PCAT7: variants seen among roughly 807,000 people sequenced by gnomAD.
PCAT7 encodes prostate cancer associated transcript 7, also known as prostate cancer associated transcript 7 (non-protein coding).
At chr9:94,573,178 C>T (rs1057088126) in intron 3 of PCAT7, 1 of 152,196 alleles carries the variant, frequency 6.6e-6, no homozygotes, top group Non-Finnish European at 1.5e-5. Flanking sequence ...AGCATTCAGT[C>T]TTTCACCATT....
At chr9:94,563,607 A>T (rs1827142323) in intron 2 of PCAT7, 2 of 870,074 alleles carry the variant, frequency 2.3e-6, no homozygotes, top group Non-Finnish European at 3.5e-6. Flanking sequence ...AAAAGATTAT[A>T]TAATTGTGCA....
chr9:94,563,873 AAAGT>A (rs1320635161), intron 2 of PCAT7, among the ~76,000 whole-genome samples: 1 of 152,218 alleles, frequency 6.6e-6, no homozygotes, highest in African/African-American at 2.4e-5. Context: ...TTAAACCAAT[AAAGT>A]TCAAAAAAGA....
intron 2 of PCAT7, chr9:94,563,253 C>T: frequency 1.4e-6 from 2 of 1,426,360 alleles, no homozygotes; most frequent in Admixed American, 2.1e-5. Flanking sequence ...TGCCATGAAG[C>T]AGTGCAGTAG....
At chr9:94,561,351 TA>T (rs1277155449) in intron 2 of PCAT7, among the ~76,000 whole-genome samples, 30 of 101,412 alleles carry the variant, frequency 3.0e-4, no homozygotes, top group African/African-American at 8.0e-4. Flanking sequence ...ATGTGACCTG[TA>T]TTTTTTTTTT....
chr9:94,565,729 A>G (rs1230406788), intron 2 of PCAT7, among the ~76,000 whole-genome samples: 1 of 97,142 alleles, frequency 1.0e-5, no homozygotes, highest in Non-Finnish European at 2.2e-5. Context: ...AGATATAGGT[A>G]GATAGATGAT....
chr9:94,560,752 ATATT>A (rs1299122689), intron 2 of PCAT7, among the ~76,000 whole-genome samples: 3 of 147,848 alleles, frequency 2.0e-5, no homozygotes, highest in African/African-American at 7.4e-5. Flanking sequence ...AATATGTTAT[ATATT>A]TATATAATGT....
chr9:94,560,341 TTGAAA>T (rs1474839123), intron 2 of PCAT7, among the ~76,000 whole-genome samples: 3 of 152,138 alleles, frequency 2.0e-5, no homozygotes, highest in African/African-American at 7.2e-5. Context: ...ACGCAGTGAA[TTGAAA>T]TGAATGGGGT....
At chr9:94,571,479 G>A in intron 2 of PCAT7, 2 of 1,612,862 alleles carry the variant, frequency 1.2e-6, no homozygotes, top group Non-Finnish European at 1.7e-6. Flanking sequence ...AGCATGAAGA[G>A]GTCCACGCCT....
At chr9:94,563,607 A>G in intron 2 of PCAT7, 1 of 870,192 alleles carries the variant, frequency 1.1e-6, no homozygotes, top group South Asian at 1.8e-5. Context: ...AAAAGATTAT[A>G]TAATTGTGCA....
intron 2 of PCAT7, chr9:94,568,278 T>G (rs948206072): frequency 2.0e-5 from 3 of 152,050 alleles, no homozygotes; most frequent in African/African-American, 7.2e-5. Flanking sequence ...AAGGAAAAAG[T>G]TGGTAAAATC....
At chr9:94,571,801 T>C (rs559595821) in intron 2 of PCAT7, among the ~76,000 whole-genome samples, 2 of 152,368 alleles carry the variant, frequency 1.3e-5, no homozygotes, top group East Asian at 3.9e-4. Context: ...AAGGCCATTC[T>C]TGGACTTCTT....
chr9:94,560,677 TTTTTTCTA>T (rs1161737026), intron 2 of PCAT7, among the ~76,000 whole-genome samples: 2 of 148,798 alleles, frequency 1.3e-5, no homozygotes, highest in Admixed American at 6.7e-5. Flanking sequence ...TTATGGTAAT[TTTTTTCTA>T]TTTTTCTATT....
intron 2 of PCAT7, chr9:94,567,723 T>C (rs1827212382): frequency 3.5e-6 from 1 of 282,328 alleles, no homozygotes; most frequent in South Asian, 8.8e-5. Context: ...TGAACCCAAC[T>C]GTGTGTATCT....
intron 2 of PCAT7, chr9:94,563,567 C>T (rs1394305607): frequency 3.2e-6 from 4 of 1,240,826 alleles, no homozygotes; most frequent in Non-Finnish European, 3.4e-6. Flanking sequence ...TTCTTGAATC[C>T]CTATCCTCCA....
intron 1 of PCAT7, among the ~76,000 whole-genome samples, chr9:94,556,088 G>A (rs1008747000): frequency 6.6e-6 from 1 of 151,166 alleles, no homozygotes; most frequent in African/African-American, 2.4e-5. Context: ...ATGGAGAAGG[G>A]AAGGAGAGTG....
intron 2 of PCAT7, chr9:94,567,185 C>T (rs1274758545): frequency 4.2e-6 from 6 of 1,422,968 alleles, no homozygotes; most frequent in African/African-American, 1.4e-5. Flanking sequence ...CAACCTCTTT[C>T]AGCAAAGCCC....
chr9:94,558,416 TC>T (rs1203400410), intron 1 of PCAT7, among the ~76,000 whole-genome samples: 4 of 152,148 alleles, frequency 2.6e-5, no homozygotes, highest in Non-Finnish European at 4.4e-5. Context: ...TGCCTCAGCC[TC>T]CCGAGTAGCT....
chr9:94,555,789 G>C (rs563700642), intron 1 of PCAT7, among the ~76,000 whole-genome samples: 1 of 151,958 alleles, frequency 6.6e-6, no homozygotes, highest in Admixed American at 6.6e-5. Flanking sequence ...AAAAGTGTTT[G>C]GGTAGATGGA....
rs919022181 is a variant in PCAT7 at position 94,563,515 on chromosome 9, C to A, written n.441+4363C>A. On this transcript the variant is annotated intron_variant and non_coding_transcript_variant, in intron 2 of 8. Transcript: ENST00000647389. Reference sequence around the variant, plus strand: ...TCCAGTGGCTTTCAGGATTAGCCAGCACCTGCTCGTGGTCACAAGTCCAGT... The same window carrying A: ...TCCAGTGGCTTTCAGGATTAGCCAGAACCTGCTCGTGGTCACAAGTCCAGT... 9 of 1,582,718 alleles carry A rather than the reference C, an allele frequency of 5.7e-6. No individual in the cohort carries two copies. The Admixed American group carries it at 1.6e-4, about 27-fold the overall frequency.
Sources: allele counts gnomAD v4.1 joint callset (sites outside exome capture counted in the v4.1 genomes callset), GRCh38; gene constraint gnomAD v4.1.1; transcripts MANE v1.5; gene names NCBI Gene and HGNC (gene_info 2026-07-23, HGNC 2026-07-21).